Variants in GREM1 observed in about 807,000 individuals in gnomAD.
The protein encoded by GREM1 is gremlin 1, DAN family BMP antagonist.
A neutral mutation model predicts 13.1 loss-of-function variants in GREM1; 6 were observed. That is an observed-to-expected ratio of 0.46 (90% confidence interval 0.25 to 0.91). The LOEUF is 0.91. GREM1 is among the 40% of genes least tolerant of loss of function. The probability of loss-of-function intolerance (pLI) is 0.18; values close to 1 mark genes in which losing one functional copy is unlikely to be tolerated. For missense variants in GREM1, 185 were observed against 233.9 expected (o/e 0.79, Z 1.36); for synonymous variants, 98 against 93.7 (o/e 1.05, Z -0.27).
At position 32,737,109 on chromosome 15, in the gene GREM1, TAA is replaced by T. The variant is rs1170192511; in HGVS notation, c.*5866_*5867del. On this transcript the variant is annotated 3_prime_UTR_variant, in exon 2 of 2. Coordinates refer to ENST00000651154, the MANE Select transcript of GREM1 (RefSeq NM_013372.7). The stretch of plus-strand genomic sequence containing the variant: ...AAAATCTGAATAGAGCTATCACAAG[TAA>T]AGAGATTAAATAAGCAATCAAATAA... 5 of 152,100 alleles carry T rather than the reference TAA, an allele frequency of 3.3e-5. No individual in the cohort carries two copies. The highest frequency in any genetic ancestry group is 1.2e-4 in the African/African-American group (5 of 41,422). The allele number at this position is 152,100 out of a possible 1,614,324, so 9.4% of individuals were successfully genotyped here. A position where few individuals can be genotyped will look rare whatever the true frequency, so the allele number is the denominator to read the frequency against.
chr15:32,726,225 T>C (rs1393371996), intron 1 of GREM1, among the ~76,000 whole-genome samples: 2 of 152,174 alleles, frequency 1.3e-5, no homozygotes, highest in East Asian at 3.8e-4. Context: ...ATCGCACTTA[T>C]TCTAAAATGA....
chr15:32,737,471 T>C lies in GREM1; in HGVS notation c.*6226T>C, dbSNP rs932659956. ...AATGCAAGATTGATTTAACCATCAG[T>C]GTAATGCATCATATTAATAGAATAA... On this transcript the variant is annotated 3_prime_UTR_variant, in exon 2 of 2. Coordinates refer to ENST00000651154, the MANE Select transcript of GREM1 (RefSeq NM_013372.7). 4 of 152,142 alleles carry C rather than the reference T, an allele frequency of 2.6e-5. No individual in the cohort carries two copies. Among genetic ancestry groups the C allele is most frequent in the African/African-American group, 9.7e-5 (4 of 41,426 alleles). 9.4% of individuals were successfully genotyped at this position (152,142 alleles called of 1,614,324 possible). A position where few individuals can be genotyped will look rare whatever the true frequency, so the allele number is the denominator to read the frequency against.
At chr15:32,727,611 A>G (rs1277777065) in intron 1 of GREM1, among the ~76,000 whole-genome samples, 2 of 152,188 alleles carry the variant, frequency 1.3e-5, no homozygotes, top group South Asian at 2.1e-4. Context: ...CACCACTCCT[A>G]TTCAACATAC....
rs140994982 is a variant in GREM1 at position 32,732,261 on chromosome 15, C to T, written c.*1016C>T. ...GGGAATTAATCAAAAACCTCAGAGG[C>T]TGAAATTCCTAATACCTTTCCTTTA... On this transcript the variant is annotated 3_prime_UTR_variant, in exon 2 of 2. Transcript: ENST00000651154. The T allele has an allele frequency of 4.6e-5, 11 of 237,324 alleles. No homozygotes were observed. The highest frequency in any genetic ancestry group is 2.0e-4 in the African/African-American group (9 of 44,950). The allele number at this position is 237,324 out of a possible 1,614,324, so 14.7% of individuals were successfully genotyped here.
chr15:32,741,020 A>G lies in GREM1; in HGVS notation c.*9775A>G, dbSNP rs2055756981. 1 of 152,158 alleles carries G rather than the reference A, an allele frequency of 6.6e-6. No individual in the cohort carries two copies. Among genetic ancestry groups the G allele is most frequent in the Admixed American group, 6.5e-5 (1 of 15,278 alleles). 9.4% of individuals were successfully genotyped at this position (152,158 alleles called of 1,614,324 possible). A position where few individuals can be genotyped will look rare whatever the true frequency, so the allele number is the denominator to read the frequency against. On this transcript the variant is annotated 3_prime_UTR_variant, in exon 2 of 2. Transcript: ENST00000651154. The stretch of plus-strand genomic sequence containing the variant: ...AAGACTGGATGGCACCACATGGGAT[A>G]GGGGGAAAGTAGTTGAAAAAAAATA...
intron 1 of GREM1, among the ~76,000 whole-genome samples, chr15:32,723,803 A>G (rs1311810957): frequency 6.6e-6 from 1 of 152,228 alleles, no homozygotes; most frequent in East Asian, 1.9e-4. Flanking sequence ...GGCTTCAATT[A>G]GAAAATGAAA....
intron 1 of GREM1, chr15:32,718,541 G>C (rs973456477): frequency 1.1e-5 from 5 of 447,430 alleles, no homozygotes; most frequent in South Asian, 7.8e-5. Flanking sequence ...AGGAGCATCC[G>C]GACCTGCTAG....
At chr15:32,723,126 C>CAT (rs2055437695) in intron 1 of GREM1, among the ~76,000 whole-genome samples, 1 of 152,208 alleles carries the variant, frequency 6.6e-6, no homozygotes, top group East Asian at 1.9e-4. Flanking sequence ...TGAATTTTTA[C>CAT]TATGGGACAC....
Position 32,733,535 on chromosome 15 carries a change from T to G in GREM1, c.*2290T>G, listed in dbSNP as rs1007544882. The G allele has an allele frequency of 2.6e-5, 6 of 233,024 alleles. No individual in the cohort carries two copies. The highest frequency in any genetic ancestry group is 4.6e-5 in the Non-Finnish European group (5 of 108,708). The allele number at this position is 233,024 out of a possible 1,614,324, so 14.4% of individuals were successfully genotyped here. On this transcript the variant is annotated 3_prime_UTR_variant, in exon 2 of 2. Coordinates refer to ENST00000651154, the MANE Select transcript of GREM1 (RefSeq NM_013372.7). ...TAAAGAGAATTTCCTCAACACTAACTTCACTGGGATAATCAGCAGCGTAAC... is the reference window on the plus strand; with the variant it reads ...TAAAGAGAATTTCCTCAACACTAACGTCACTGGGATAATCAGCAGCGTAAC...
Position 32,734,563 on chromosome 15 carries a change from G to T in GREM1, c.*3318G>T. On this transcript the variant is annotated 3_prime_UTR_variant, in exon 2 of 2. Transcript: ENST00000651154. ...TTGATAGTCTCATAAAACTAATTTG[G>T]CTTCAAGTTTCATGAATCTGTAACT... 4.0e-6 allele frequency: 1 copy of T among 247,134 alleles called. No individual in the cohort carries two copies. Among genetic ancestry groups the T allele is most frequent in the Non-Finnish European group, 8.5e-6 (1 of 117,562 alleles). The allele number at this position is 247,134 out of a possible 1,614,324, so 15.3% of individuals were successfully genotyped here. A position where few individuals can be genotyped will look rare whatever the true frequency, so the allele number is the denominator to read the frequency against.
chr15:32,730,580 C>G (rs973384604), intron 1 of GREM1, 110 bp from the exon 2 acceptor site: 10 of 706,284 alleles, frequency 1.4e-5, no homozygotes, highest in Non-Finnish European at 2.3e-5. Context: ...TGGAATATTT[C>G]ACGTTAAGTG....
In GREM1 at chr15:32,743,210, G is replaced by C. The variant is rs1209643658; in HGVS notation, c.*11965G>C. The stretch of plus-strand genomic sequence containing the variant: ...GCCCATAATATATTCCTTAAGATTT[G>C]AATATAGAGGCTGGAAGAAAGATTT... On this transcript the variant is annotated 3_prime_UTR_variant, in exon 2 of 2. Coordinates refer to ENST00000651154, the MANE Select transcript of GREM1 (RefSeq NM_013372.7). 3.3e-5 allele frequency: 5 copies of C among 152,136 alleles called. No homozygotes were observed. Among genetic ancestry groups the C allele is most frequent in the African/African-American group, 1.2e-4 (5 of 41,438 alleles). The allele number at this position is 152,136 out of a possible 1,614,324, so 9.4% of individuals were successfully genotyped here.
In GREM1 at chr15:32,734,268, T is replaced by TA. The variant is rs1338450347; in HGVS notation, c.*3024dup. The TA allele has an allele frequency of 8.2e-6, 2 of 244,140 alleles. No individual in the cohort carries two copies. Among genetic ancestry groups the TA allele is most frequent in the East Asian group, 6.3e-5 (1 of 15,858 alleles). 15.1% of individuals were successfully genotyped at this position (244,140 alleles called of 1,614,324 possible). ...ACTTTAAATGTTATTTTGGAAGACT[T>TA]ACGATGCATGTATACAAACGAATAG... On this transcript the variant is annotated 3_prime_UTR_variant, in exon 2 of 2. Coordinates refer to ENST00000651154, the MANE Select transcript of GREM1 (RefSeq NM_013372.7).
chr15:32,722,236 A>G (rs2055420259), intron 1 of GREM1, among the ~76,000 whole-genome samples: 1 of 152,264 alleles, frequency 6.6e-6, no homozygotes, highest in Non-Finnish European at 1.5e-5. Context: ...AAAAAGGAAT[A>G]GATCTTTCTA....
intron 1 of GREM1, among the ~76,000 whole-genome samples, chr15:32,729,793 A>G (rs1390109787): frequency 6.6e-6 from 1 of 152,210 alleles, no homozygotes; most frequent in Middle Eastern, 3.2e-3. Context: ...ATATACACAG[A>G]CACATGTGAA....
intron 1 of GREM1, chr15:32,718,394 C>T (rs1391641326): frequency 6.2e-6 from 3 of 486,536 alleles, no homozygotes; most frequent in Non-Finnish European, 1.2e-5. Context: ...AAAAAGTTGT[C>T]AGGAGCGGGC....
Position 32,738,126 on chromosome 15 carries a change from A to AAAAAAAAAAAAACCAAAC in GREM1, c.*6888_*6889insAAAAACCAAACAAAAAAA. 9.3e-6 allele frequency: 1 copy of AAAAAAAAAAAAACCAAAC among 107,172 alleles called. No homozygotes were observed. The highest frequency in any genetic ancestry group is 1.8e-5 in the Non-Finnish European group (1 of 56,626). The allele number at this position is 107,172 out of a possible 1,614,324, so 6.6% of individuals were successfully genotyped here. ...AAAAAAAAAAAAAAAAAAAAAAAAAAAAAAAAAGAAAAGAAAAAAGTCATC... is the reference window on the plus strand; with the variant it reads ...AAAAAAAAAAAAAAAAAAAAAAAAAAAAAAAAAAAAAACCAAACAAAAAAAGAAAAGAAAAAAGTCATC... On this transcript the variant is annotated 3_prime_UTR_variant, in exon 2 of 2. Coordinates refer to ENST00000651154, the MANE Select transcript of GREM1 (RefSeq NM_013372.7).
intron 1 of GREM1, among the ~76,000 whole-genome samples, chr15:32,728,508 A>G (rs1340644277): frequency 6.6e-6 from 1 of 151,082 alleles, no homozygotes; most frequent in Non-Finnish European, 1.5e-5. Flanking sequence ...TAAATTCAAT[A>G]TTTAATTATT....
In GREM1 at chr15:32,736,281, A is replaced by G. The variant is rs527894470; in HGVS notation, c.*5036A>G. The G allele has an allele frequency of 1.2e-4, 18 of 152,306 alleles. No homozygotes were observed. In the East Asian group the frequency reaches 2.9e-3, roughly 24 times the overall value. The allele number at this position is 152,306 out of a possible 1,614,324, so 9.4% of individuals were successfully genotyped here. A position where few individuals can be genotyped will look rare whatever the true frequency, so the allele number is the denominator to read the frequency against. On this transcript the variant is annotated 3_prime_UTR_variant, in exon 2 of 2. Coordinates refer to ENST00000651154, the MANE Select transcript of GREM1 (RefSeq NM_013372.7). Reference sequence around the variant, plus strand: ...TCTTTGTGGCTGCCTGGGGTAATGTATAACAGTTGGGGAAAGCAATTGGCT... The same window carrying G: ...TCTTTGTGGCTGCCTGGGGTAATGTGTAACAGTTGGGGAAAGCAATTGGCT...
Sources: allele counts gnomAD v4.1 joint callset (sites outside exome capture counted in the v4.1 genomes callset), GRCh38; gene constraint gnomAD v4.1.1; transcripts MANE v1.5; gene names NCBI Gene and HGNC (gene_info 2026-07-23, HGNC 2026-07-21).